The following SLC16A10 variants were observed in gnomAD, a reference collection of about 807,000 sequenced individuals.
The protein encoded by SLC16A10 is solute carrier family 16 member 10.
In SLC16A10, 27 loss-of-function variants were observed where a neutral mutation model predicts 40.0. The observed-to-expected ratio is 0.67, with a 90% CI of 0.50 to 0.93. The LOEUF (loss-of-function observed/expected upper bound fraction) is 0.93, where lower values mean the gene tolerates loss of function less well. Among genes scored for constraint, SLC16A10 ranks in the 40% least tolerant of loss-of-function variants. SLC16A10 has a pLI of 0.00. For missense variants in SLC16A10, 529 were observed against 658.2 expected (o/e 0.80, Z 2.15); for synonymous variants, 213 against 249.8 (o/e 0.85, Z 1.39).
chr6:111,216,281 T>C (rs1773419602), intron 4 of SLC16A10, among the ~76,000 whole-genome samples: 1 of 152,168 alleles, frequency 6.6e-6, no homozygotes, highest in Non-Finnish European at 1.5e-5. Context: ...GTCATGGAAG[T>C]TGCATTGGAG....
intron 2 of SLC16A10, among the ~76,000 whole-genome samples, chr6:111,175,888 T>TA (rs750492621): frequency 2.0e-5 from 3 of 151,760 alleles, no homozygotes; most frequent in Non-Finnish European, 4.4e-5. Flanking sequence ...TTTTTTTTTT[T>TA]AAATAGAGAT....
In SLC16A10 at chr6:111,101,307, C is replaced by T. The variant is rs537154455; in HGVS notation, c.343+13212C>T. ...TCAGCCTCTGAAAGTGCTGGCATTACAGGTCTGAGCCACTGCGCCCAGCCT... is the reference window on the plus strand; with the variant it reads ...TCAGCCTCTGAAAGTGCTGGCATTATAGGTCTGAGCCACTGCGCCCAGCCT... On this transcript the variant is annotated intron_variant, in intron 1 of 5. Coordinates refer to ENST00000368851, the MANE Select transcript of SLC16A10 (RefSeq NM_018593.5). Among the ~76,000 whole-genome samples, 234 of 152,132 alleles carry T rather than the reference C, an allele frequency of 1.5e-3. 3 individuals carry two copies. Among genetic ancestry groups the T allele is most frequent in the Admixed American group, 2.0e-3 (31 of 15,282 alleles).
intron 1 of SLC16A10, among the ~76,000 whole-genome samples, chr6:111,110,068 G>A (rs879748819): frequency 5.2e-4 from 79 of 152,234 alleles, no homozygotes; most frequent in African/African-American, 1.8e-3. Context: ...TGGATGAATA[G>A]TGGTGCTGCC....
chr6:111,149,809 C>G (rs1772141692), intron 1 of SLC16A10, among the ~76,000 whole-genome samples: 1 of 152,118 alleles, frequency 6.6e-6, no homozygotes, highest in East Asian at 1.9e-4. Flanking sequence ...TCTTTTTGTG[C>G]TACTCCTTTT....
At chr6:111,221,131 A>G (rs760505138) in intron 5 of SLC16A10, among the ~76,000 whole-genome samples, 10 of 152,244 alleles carry the variant, frequency 6.6e-5, no homozygotes. Flanking sequence ...ATTTTAGATA[A>G]CTTAGGTTTT....
At chr6:111,130,528 C>CAG (rs1771762601) in intron 1 of SLC16A10, among the ~76,000 whole-genome samples, 1 of 152,142 alleles carries the variant, frequency 6.6e-6, no homozygotes, top group Non-Finnish European at 1.5e-5. Flanking sequence ...CAGCACTAGA[C>CAG]ATTCTGTTAT....
rs529135935 is a variant in SLC16A10, at chr6:111,129,646, A to C, written c.343+41551A>C. Among the ~76,000 whole-genome samples the C allele has an allele frequency of 1.1e-3, 171 of 152,338 alleles. 1 individual carries two copies. The highest frequency in any genetic ancestry group is 1.6e-3 in the Non-Finnish European group (112 of 68,022). ...TGTAGACTAGCCATATGGCATTCAA[A>C]GGCCTCCAAGATATAACTTGAGACA... On this transcript the variant is annotated intron_variant, in intron 1 of 5. Coordinates refer to ENST00000368851, the MANE Select transcript of SLC16A10 (RefSeq NM_018593.5).
chr6:111,172,826 A>T lies in SLC16A10; in HGVS notation c.475A>T (p.Ser159Cys). 6.2e-7 allele frequency: 1 copy of T among 1,613,882 alleles called. No homozygotes were observed. The highest frequency in any genetic ancestry group is 8.5e-7 in the Non-Finnish European group (1 of 1,179,842). ...TGTTGGATTTGTTGGGCTCATGTCC[A>T]GTTCTTTTGTAAGGTAAGGACTTGG... is the stretch of plus-strand genomic sequence containing the variant. ...AAVGFVGLMS[S>C]SFVSSIEPLY... Residue 159 changes from serine to cysteine, a missense_variant, in exon 2 of 6, where the codon AGT becomes TGT. Coordinates refer to ENST00000368851, the MANE Select transcript of SLC16A10 (RefSeq NM_018593.5).
chr6:111,130,275 A>C (rs1040148955), intron 1 of SLC16A10, among the ~76,000 whole-genome samples: 4 of 152,226 alleles, frequency 2.6e-5, no homozygotes, highest in African/African-American at 9.6e-5. Context: ...CAATATTTCT[A>C]GGGGAGAAGG....
At chr6:111,165,650 T>C (rs1050598530) in intron 1 of SLC16A10, among the ~76,000 whole-genome samples, 1 of 152,190 alleles carries the variant, frequency 6.6e-6, no homozygotes, top group Non-Finnish European at 1.5e-5. Context: ...TTAAGTAAGG[T>C]TGTGACTTCA....
Position 111,120,824 on chromosome 6 carries a change from GTTT to G in SLC16A10, c.343+32733_343+32735del, listed in dbSNP as rs1240779183. On this transcript the variant is annotated intron_variant, in intron 1 of 5. Coordinates refer to ENST00000368851, the MANE Select transcript of SLC16A10 (RefSeq NM_018593.5). ...ATTGTGGAGTGCTTAGTGTGTGTTT[GTTT>G]TTTAAGAATTGACTTGGAAACATTT... Among the ~76,000 whole-genome samples, 13 of 152,184 alleles carry G rather than the reference GTTT, an allele frequency of 8.5e-5. No individual in the cohort carries two copies. In the South Asian group the frequency reaches 2.7e-3, roughly 32 times the overall value.
intron 4 of SLC16A10, among the ~76,000 whole-genome samples, chr6:111,207,432 T>G (rs1022417418): frequency 4.6e-5 from 7 of 152,250 alleles, no homozygotes; most frequent in African/African-American, 1.7e-4. Context: ...AAACAAATGC[T>G]AATTCCAAGA....
chr6:111,139,092 C>CTTCTTCT lies in SLC16A10; in HGVS notation c.344-33601_344-33600insCTTCTTT, dbSNP rs202229156. On this transcript the variant is annotated intron_variant, in intron 1 of 5. Coordinates refer to ENST00000368851, the MANE Select transcript of SLC16A10 (RefSeq NM_018593.5). Reference sequence around the variant, plus strand: ...GCTGGCTTTTTTTTTTCTTCTTCTTCTTTTTTTTTTTTTTTTACTGTGAAA... The same window carrying CTTCTTCT: ...GCTGGCTTTTTTTTTTCTTCTTCTTCTTCTTCTTTTTTTTTTTTTTTTTACTGTGAAA... Among the ~76,000 whole-genome samples the CTTCTTCT allele has an allele frequency of 3.4e-5, 4 of 118,894 alleles. 1 individual carries two copies. The highest frequency in any genetic ancestry group is 1.3e-4 in the African/African-American group (4 of 31,262). The allele number at this position is 118,894 out of a possible 152,430, so 78.0% of individuals were successfully genotyped here. A position where few individuals can be genotyped will look rare whatever the true frequency, so the allele number is the denominator to read the frequency against.
Position 111,204,273 on chromosome 6 carries a change from C to T in SLC16A10, c.943-2319C>T, listed in dbSNP as rs187450521. Reference sequence around the variant, plus strand: ...GATTTGAAGAGGGAAAGGGAATAATCTAGGGTAGCTGTCAGTTTCTGCCAT... The same window carrying T: ...GATTTGAAGAGGGAAAGGGAATAATTTAGGGTAGCTGTCAGTTTCTGCCAT... On this transcript the variant is annotated intron_variant, in intron 3 of 5. Transcript: ENST00000368851. Among the ~76,000 whole-genome samples, 9 of 152,220 alleles carry T rather than the reference C, an allele frequency of 5.9e-5. No individual in the cohort carries two copies. The East Asian group carries it at 1.5e-3, about 26-fold the overall frequency.
chr6:111,217,466 T>C (rs1379084397), intron 4 of SLC16A10, among the ~76,000 whole-genome samples: 1 of 152,228 alleles, frequency 6.6e-6, no homozygotes, highest in Non-Finnish European at 1.5e-5. Context: ...TTGTTGTTGT[T>C]TGAGACGGAG....
chr6:111,153,529 G>C (rs1027286219), intron 1 of SLC16A10, among the ~76,000 whole-genome samples: 4 of 122,200 alleles, frequency 3.3e-5, no homozygotes, highest in Non-Finnish European at 5.6e-5. Flanking sequence ...GCGAGACCCT[G>C]TCTCAAAAAA....
At chr6:111,174,479 C>A (rs1772642933) in intron 2 of SLC16A10, among the ~76,000 whole-genome samples, 1 of 148,760 alleles carries the variant, frequency 6.7e-6, no homozygotes, top group African/African-American at 2.5e-5. Context: ...ATATTTATTT[C>A]TTTGTAGAAA....
chr6:111,134,890 T>C (rs1273160452), intron 1 of SLC16A10, among the ~76,000 whole-genome samples: 1 of 152,152 alleles, frequency 6.6e-6, no homozygotes, highest in East Asian at 1.9e-4. Context: ...CTGGGTATGC[T>C]TGACCATTGA....
At chr6:111,171,751 G>C (rs947335240) in intron 1 of SLC16A10, among the ~76,000 whole-genome samples, 4 of 145,398 alleles carry the variant, frequency 2.8e-5, no homozygotes, top group Admixed American at 7.2e-5. Flanking sequence ...GGGCTGTCGA[G>C]ATCACAGTGA....
Sources: gnomAD v4.1 joint callset for allele counts (sites outside exome capture counted in the v4.1 genomes callset) on GRCh38, gnomAD v4.1.1 for gene constraint, MANE v1.5 for transcripts, NCBI Gene and HGNC (gene_info 2026-07-23, HGNC 2026-07-21) for gene names.